The following LZTFL1 variants were observed in gnomAD, a reference collection of about 807,000 sequenced individuals.
LZTFL1 encodes the protein leucine zipper transcription factor like 1.
LZTFL1 carries 25 observed loss-of-function variants against 45.9 expected under a neutral mutation model. The ratio of observed to expected loss-of-function variants is 0.54; its 90% CI spans 0.40 to 0.76. The LOEUF is 0.76. Ranked by LOEUF, LZTFL1 falls within the 30% of genes least tolerant of loss-of-function variation. The pLI is 0.00. For synonymous variants in LZTFL1, 93 were observed against 117.4 expected (o/e 0.79, Z 1.35); for missense variants, 277 against 331.1 (o/e 0.84, Z 1.27).
intron 2 of LZTFL1, among the ~76,000 whole-genome samples, chr3:45,908,241 G>T (rs907056787): frequency 1.3e-5 from 2 of 152,218 alleles, no homozygotes; most frequent in Non-Finnish European, 2.9e-5. Context: ...ATCCTGTGCC[G>T]TGGGAGGCTT....
intron 1 of LZTFL1, among the ~76,000 whole-genome samples, chr3:45,913,333 C>A (rs940597815): frequency 2.0e-5 from 3 of 151,790 alleles, no homozygotes; most frequent in African/African-American, 7.3e-5. Context: ...CTCATCCACA[C>A]CTTTGACAAT....
intron 2 of LZTFL1, among the ~76,000 whole-genome samples, chr3:45,906,889 A>T (rs1702692078): frequency 6.6e-6 from 1 of 152,038 alleles, no homozygotes; most frequent in Admixed American, 6.6e-5. Flanking sequence ...TGCCTCTCCC[A>T]TCCCTGGCTC....
At position 45,886,156 on chromosome 3, in the gene LZTFL1, C is replaced by T. The variant is rs149220594; in HGVS notation, c.-215+26964G>A. Among the ~76,000 whole-genome samples, 314 of 152,312 alleles carry T rather than the reference C, an allele frequency of 2.1e-3. 1 individual carries two copies. The highest frequency in any genetic ancestry group is 7.1e-3 in the African/African-American group (295 of 41,574). ...TATGTTGCGATGGATAGTGCTACAT[C>T]TGCCACTGGGTGGTAATCTGATACA... On this transcript the variant is annotated intron_variant, in intron 2 of 4. Coordinates refer to the LZTFL1 transcript ENST00000472635.
chr3:45,847,872 G>C (rs1701242182), intron 4 of LZTFL1, among the ~76,000 whole-genome samples: 1 of 152,116 alleles, frequency 6.6e-6, no homozygotes, highest in Admixed American at 6.5e-5. Context: ...TTTTTTCCCA[G>C]AATGGGGCAT....
chr3:45,860,166 T>A (rs893258330), intron 2 of LZTFL1, among the ~76,000 whole-genome samples: 1 of 152,024 alleles, frequency 6.6e-6, no homozygotes, highest in Non-Finnish European at 1.5e-5. Context: ...GAGCCGAGAT[T>A]GCGCCACTGC....
intron 2 of LZTFL1, among the ~76,000 whole-genome samples, chr3:45,875,995 CG>C (rs1323395938): frequency 6.6e-6 from 1 of 152,190 alleles, no homozygotes; most frequent in Non-Finnish European, 1.5e-5. Context: ...TTAGGACATT[CG>C]GTTAGCTGCT....
chr3:45,902,064 C>T (rs921136224), intron 2 of LZTFL1: 4 of 634,174 alleles, frequency 6.3e-6, no homozygotes, highest in Non-Finnish European at 1.1e-5. Flanking sequence ...GCAAATATTT[C>T]AAAATCAACT....
At chr3:45,909,192 A>C (rs1559430862) in intron 2 of LZTFL1, among the ~76,000 whole-genome samples, 1 of 152,232 alleles carries the variant, frequency 6.6e-6, no homozygotes, top group Non-Finnish European at 1.5e-5. Flanking sequence ...TTGTATAATT[A>C]TCTCATTATA....
chr3:45,915,352 G>A (rs1345149148), intron 1 of LZTFL1: 3 of 356,780 alleles, frequency 8.4e-6, no homozygotes, highest in East Asian at 1.5e-4. Flanking sequence ...GCCCACCTCC[G>A]CCCCACCCTT....
chr3:45,852,119 C>T (rs1701319441), intron 4 of LZTFL1, among the ~76,000 whole-genome samples: 1 of 152,042 alleles, frequency 6.6e-6, no homozygotes, highest in African/African-American at 2.4e-5. Context: ...ACCTTCTGCT[C>T]AAAGAAAGTA....
chr3:45,835,487 TCA>T, intron 3 of LZTFL1, 101 bp downstream of exon 3: 1 of 1,133,674 alleles, frequency 8.8e-7, no homozygotes, highest in Non-Finnish European at 1.3e-6. Flanking sequence ...CCAAATTTCC[TCA>T]CACACTAGCC....
At chr3:45,911,485 A>G (rs540431841) in intron 2 of LZTFL1, among the ~76,000 whole-genome samples, 1 of 152,350 alleles carries the variant, frequency 6.6e-6, no homozygotes, top group East Asian at 1.9e-4. Context: ...TGGCACTAGG[A>G]GTTGGATCCA....
chr3:45,856,054 T>A lies in LZTFL1; in HGVS notation c.-137-980A>T, dbSNP rs1031108834. ...TCACAGAATTAGAAAAAAAATTTTT[T>A]AATTCATATAGAACCAAAAAAGAGC... On this transcript the variant is annotated intron_variant, in intron 3 of 4. Coordinates refer to the LZTFL1 transcript ENST00000472635. Among the ~76,000 whole-genome samples, 8 of 152,128 alleles carry A rather than the reference T, an allele frequency of 5.3e-5. No individual in the cohort carries two copies. In the East Asian group the frequency reaches 7.7e-4, roughly 15 times the overall value.
chr3:45,873,234 G>A (rs537319103), intron 2 of LZTFL1, among the ~76,000 whole-genome samples: 1 of 152,290 alleles, frequency 6.6e-6, no homozygotes, highest in South Asian at 2.1e-4. Context: ...TGGGCCTAGG[G>A]CAGGGCCTGA....
At chr3:45,867,212 G>A (rs914673085) in intron 2 of LZTFL1, among the ~76,000 whole-genome samples, 8 of 142,452 alleles carry the variant, frequency 5.6e-5, no homozygotes, top group Non-Finnish European at 9.1e-5. Flanking sequence ...AAATTAATTT[G>A]TTAATTGCCT....
chr3:45,854,229 C>A (rs557042976), intron 4 of LZTFL1, among the ~76,000 whole-genome samples: 3 of 152,298 alleles, frequency 2.0e-5, no homozygotes, highest in Admixed American at 1.3e-4. Context: ...TAATTCCATT[C>A]ATTCCCAGGG....
chr3:45,827,547 C>A, intron 8 of LZTFL1, 88 bp from the exon 9 acceptor site: 1 of 827,294 alleles, frequency 1.2e-6, no homozygotes, highest in East Asian at 2.5e-5. Flanking sequence ...GTTTTTTTTG[C>A]TTGAATTTTA....
chr3:45,867,649 G>A (rs1431961749), intron 2 of LZTFL1, among the ~76,000 whole-genome samples: 1 of 152,144 alleles, frequency 6.6e-6, no homozygotes, highest in Non-Finnish European at 1.5e-5. Flanking sequence ...TTCAAGACCA[G>A]CCTGGGCAAC....
At chr3:45,915,565 A>C (rs1449962059) in exon 1 of LZTFL1, 1 of 455,780 alleles carries the variant, frequency 2.2e-6, no homozygotes, top group Non-Finnish European at 4.4e-6. Flanking sequence ...ACAGGCCCGA[A>C]GACAGACCTG....
Sources: allele counts gnomAD v4.1 joint callset (sites outside exome capture counted in the v4.1 genomes callset), GRCh38; gene constraint gnomAD v4.1.1; transcripts MANE v1.5; gene names NCBI Gene and HGNC (gene_info 2026-07-23, HGNC 2026-07-21).